KALRN: variants seen among roughly 807,000 people sequenced by gnomAD.
KALRN encodes the protein kalirin RhoGEF kinase.
In KALRN, 70 loss-of-function variants were observed where a neutral mutation model predicts 353.7. The observed-to-expected ratio is 0.20, with a 90% CI of 0.16 to 0.24. The LOEUF (loss-of-function observed/expected upper bound fraction) is 0.24. KALRN is among the 10% of genes least tolerant of loss of function. KALRN has a pLI of 1.00. For synonymous variants in KALRN, 1,391 were observed against 1,434.8 expected (o/e 0.97, Z 0.69); for missense variants, 2,791 against 3,756.7 (o/e 0.74, Z 6.72).
intron 37 of KALRN, among the ~76,000 whole-genome samples, chr3:124,642,705 T>C (rs1345925217): frequency 6.6e-6 from 1 of 151,620 alleles, no homozygotes; most frequent in Admixed American, 6.6e-5. Flanking sequence ...AGAATCCAGA[T>C]GGGGAAAAAA....
intron 1 of KALRN, chr3:124,151,946 T>C: frequency 9.7e-7 from 1 of 1,027,796 alleles, no homozygotes; most frequent in Non-Finnish European, 1.5e-6. Context: ...AGAAAAATAA[T>C]CATGGTAGAC....
At chr3:124,120,053 A>G (rs953104833) in intron 1 of KALRN, among the ~76,000 whole-genome samples, 1 of 152,168 alleles carries the variant, frequency 6.6e-6, no homozygotes, top group Non-Finnish European at 1.5e-5. Flanking sequence ...GCCCCAGTTC[A>G]CTGACTTTCT....
At chr3:124,310,388 G>T (rs553459496) in intron 6 of KALRN, among the ~76,000 whole-genome samples, 14 of 152,242 alleles carry the variant, frequency 9.2e-5, no homozygotes, top group African/African-American at 3.4e-4. Context: ...ATCCCAACTG[G>T]ATTCTTTGTA....
At chr3:124,102,366 C>T (rs1481489434) in intron 1 of KALRN, among the ~76,000 whole-genome samples, 1 of 152,148 alleles carries the variant, frequency 6.6e-6, no homozygotes, top group Non-Finnish European at 1.5e-5. Context: ...CCCAAACCTC[C>T]TCTTCTTATA....
At chr3:124,496,492 T>C (rs1461163846) in intron 33 of KALRN, 79 bp downstream of exon 33, 1 of 1,026,574 alleles carries the variant, frequency 9.7e-7, no homozygotes, top group Non-Finnish European at 1.5e-6. Context: ...CCCTAGAGAA[T>C]TTCTCTCACT....
chr3:124,472,662 A>C (rs2061052267), intron 25 of KALRN, among the ~76,000 whole-genome samples: 1 of 152,068 alleles, frequency 6.6e-6, no homozygotes, highest in South Asian at 2.1e-4. Context: ...TTCTCAACAG[A>C]AAAGTATATT....
At chr3:124,669,377 A>G (rs1350328014) in intron 47 of KALRN, among the ~76,000 whole-genome samples, 1 of 152,210 alleles carries the variant, frequency 6.6e-6, no homozygotes, top group Non-Finnish European at 1.5e-5. Flanking sequence ...AGGGACGCAC[A>G]GTTTTCTTGA....
intron 1 of KALRN, among the ~76,000 whole-genome samples, chr3:124,157,040 A>G (rs2069102999): frequency 6.6e-6 from 1 of 152,230 alleles, no homozygotes; most frequent in Non-Finnish European, 1.5e-5. Context: ...ACCATTGTAT[A>G]TAATAGAGTC....
At chr3:124,225,157 T>C (rs2078335416) in intron 1 of KALRN, among the ~76,000 whole-genome samples, 1 of 152,208 alleles carries the variant, frequency 6.6e-6, no homozygotes, top group South Asian at 2.1e-4. Flanking sequence ...TGATACATAG[T>C]ATCTTTAGTC....
chr3:124,692,932 A>T (rs1218336698), intron 51 of KALRN, among the ~76,000 whole-genome samples: 2 of 152,212 alleles, frequency 1.3e-5, no homozygotes, highest in African/African-American at 4.8e-5. Flanking sequence ...TGGGGGGAAA[A>T]GTGACCATCT....
chr3:124,262,526 AGG>A (rs920979975), intron 3 of KALRN, among the ~76,000 whole-genome samples: 55 of 152,368 alleles, frequency 3.6e-4, no homozygotes, highest in African/African-American at 1.3e-3. Flanking sequence ...AATAAGTGTC[AGG>A]GAAGAAGAGG....
chr3:124,097,267 A>G (rs935859777), intron 1 of KALRN, among the ~76,000 whole-genome samples: 2 of 152,286 alleles, frequency 1.3e-5, no homozygotes, highest in African/African-American at 4.8e-5. Flanking sequence ...TGCTCAATAA[A>G]TATTTGTTGA....
At chr3:124,094,646 T>G (rs2061319863) in intron 1 of KALRN, 1 of 633,890 alleles carries the variant, frequency 1.6e-6, no homozygotes, top group Admixed American at 2.4e-5. Context: ...GTTCCTTTGT[T>G]GCTGTGAAAC....
At chr3:124,057,080 G>A (rs1260750795) in intron 1 of KALRN, among the ~76,000 whole-genome samples, 1 of 152,128 alleles carries the variant, frequency 6.6e-6, no homozygotes, top group Non-Finnish European at 1.5e-5. Flanking sequence ...TCTCTTAGAG[G>A]GAGTTTTAAC....
chr3:124,279,432 A>T (rs888737013), intron 5 of KALRN, among the ~76,000 whole-genome samples: 1 of 152,222 alleles, frequency 6.6e-6, no homozygotes, highest in Non-Finnish European at 1.5e-5. Context: ...GAGTGGAATC[A>T]GCAGTGGATA....
intron 33 of KALRN, among the ~76,000 whole-genome samples, chr3:124,555,731 T>C (rs1289885807): frequency 2.6e-5 from 4 of 152,162 alleles, no homozygotes; most frequent in Non-Finnish European, 5.9e-5. Context: ...CAGGCAATAA[T>C]TCATGGAATT....
At chr3:124,202,556 A>C (rs2076045656) in intron 1 of KALRN, among the ~76,000 whole-genome samples, 1 of 151,990 alleles carries the variant, frequency 6.6e-6, no homozygotes, top group Admixed American at 6.6e-5. Context: ...AGCCTACCCT[A>C]GTTTTTTAAT....
chr3:124,674,443 G>C lies in KALRN; in HGVS notation c.7022G>C (p.Cys2341Ser), dbSNP rs2086909858. The C allele has an allele frequency of 6.2e-7, 1 of 1,613,982 alleles. No homozygotes were observed. The highest frequency in any genetic ancestry group is 1.3e-5 in the African/African-American group (1 of 74,908). ...DYYALKENEI[C>S]VSQGEVVQVL... ...TATGCACTGAAGGAGAATGAAATCT[G>C]TGTGAGCCAAGGTGAGGTGGTCCAG... The change falls in exon 49 of 60, where the codon TGT becomes TCT. Residue 2341 changes from cysteine (C) to serine (S), a missense_variant. This residue lies in a region of KALRN where 1,065 missense variants were observed against 1,156.4 expected (regional missense o/e 0.92). Transcript: ENST00000682506.
At chr3:124,608,172 G>A (rs13063419) in intron 34 of KALRN, among the ~76,000 whole-genome samples, 7,266 of 151,342 alleles carry the variant, frequency 0.048, 230 homozygotes, top group Middle Eastern at 0.12. Flanking sequence ...CACCGTGCCC[G>A]GCTAATTTTT....
Sources: gnomAD v4.1 joint callset for allele counts (sites outside exome capture counted in the v4.1 genomes callset) on GRCh38, gnomAD v4.1.1 for gene constraint, gnomAD v4.1.1 regional missense constraint, MANE v1.5 for transcripts, NCBI Gene and HGNC (gene_info 2026-07-23, HGNC 2026-07-21) for gene names.